SEMA5A: variants seen among roughly 807,000 people sequenced by gnomAD.
The protein encoded by SEMA5A is semaphorin-5A.
A neutral mutation model predicts 135.5 loss-of-function variants in SEMA5A; 55 were observed. The ratio of observed to expected loss-of-function variants is 0.41; its 90% CI spans 0.33 to 0.51. The LOEUF is 0.51. Ranked by LOEUF, SEMA5A falls within the 20% of genes least tolerant of loss-of-function variation. The pLI is 0.37. For synonymous variants in SEMA5A, 580 were observed against 546.5 expected (o/e 1.06, Z -0.85); for missense variants, 1,290 against 1,419.9 (o/e 0.91, Z 1.47).
At chr5:9,473,550 C>T (rs1418270026) in intron 1 of SEMA5A, among the ~76,000 whole-genome samples, 2 of 151,380 alleles carry the variant, frequency 1.3e-5, no homozygotes, top group African/African-American at 4.9e-5. Context: ...AAATTCAGGC[C>T]AAACCTAGGG....
intron 1 of SEMA5A, among the ~76,000 whole-genome samples, chr5:9,529,331 C>T (rs1277786940): frequency 6.6e-6 from 1 of 152,226 alleles, no homozygotes. Flanking sequence ...TTCTCGGCAC[C>T]TTTCCTAGAG....
chr5:9,217,063 G>A (rs1269366942), intron 8 of SEMA5A, among the ~76,000 whole-genome samples: 1 of 152,120 alleles, frequency 6.6e-6, no homozygotes, highest in Non-Finnish European at 1.5e-5. Flanking sequence ...TTGTGTGGTT[G>A]CTTTATGGTG....
chr5:9,364,406 T>C (rs928975535), intron 3 of SEMA5A, among the ~76,000 whole-genome samples: 3 of 152,200 alleles, frequency 2.0e-5, no homozygotes, highest in South Asian at 2.1e-4. Flanking sequence ...CAGGTCTAGA[T>C]GAAATTCTTT....
chr5:9,063,192 CT>C, intron 17 of SEMA5A, 87 bp from the exon 18 acceptor site: 17 of 1,308,282 alleles, frequency 1.3e-5, no homozygotes, highest in Admixed American at 2.0e-5. Flanking sequence ...TATCTGCTGT[CT>C]GCCTTATTTC....
chr5:9,053,991 C>T, intron 19 of SEMA5A, 96 bp downstream of exon 19: 3 of 1,411,582 alleles, frequency 2.1e-6, no homozygotes, highest in East Asian at 4.7e-5. Context: ...CCTTTCAGTA[C>T]TTACCATGAT....
At chr5:9,290,148 T>C (rs867529253) in intron 5 of SEMA5A, among the ~76,000 whole-genome samples, 14 of 152,176 alleles carry the variant, frequency 9.2e-5, no homozygotes, top group African/African-American at 3.1e-4. Context: ...TGGGGGCACC[T>C]ATCACCCAAG....
At chr5:9,264,391 A>G (rs1055876257) in intron 5 of SEMA5A, among the ~76,000 whole-genome samples, 3 of 152,208 alleles carry the variant, frequency 2.0e-5, no homozygotes, top group Admixed American at 6.5e-5. Flanking sequence ...GGAAGTGAAA[A>G]AAACATTAAA....
chr5:9,098,988 T>C (rs73741655), intron 16 of SEMA5A, among the ~76,000 whole-genome samples: 1 of 152,120 alleles, frequency 6.6e-6, no homozygotes, highest in South Asian at 2.1e-4. Context: ...TTAAAAACTA[T>C]AGAAATGTAC....
chr5:9,447,369 T>C (rs1297035449), intron 1 of SEMA5A, among the ~76,000 whole-genome samples: 1 of 152,344 alleles, frequency 6.6e-6, no homozygotes, highest in East Asian at 1.9e-4. Context: ...TGTTCTATTC[T>C]GGCTTAAACC....
Position 9,513,068 on chromosome 5 carries a change from A to AATATAT in SEMA5A, c.-175+32510_-175+32515dup, listed in dbSNP as rs56269546. 3.0e-3 allele frequency among the ~76,000 whole-genome samples: 432 copies of AATATAT among 143,704 alleles called. 2 individuals are homozygous for AATATAT. The South Asian group carries it at 0.036, about 12-fold the overall frequency. 94.3% of individuals were successfully genotyped at this position (143,704 alleles called of 152,430 possible). Reference sequence around the variant, plus strand: ...AAATGAGATGCAAATATATATATATAATATATATATATATATATGCAAGCT... The same window carrying AATATAT: ...AAATGAGATGCAAATATATATATATAATATATATATATATATATATATATGCAAGCT... On this transcript the variant is annotated intron_variant, in intron 1 of 22. Coordinates refer to ENST00000382496, the MANE Select transcript of SEMA5A (RefSeq NM_003966.3).
At chr5:9,341,899 G>A (rs1453613655) in intron 3 of SEMA5A, among the ~76,000 whole-genome samples, 10 of 151,378 alleles carry the variant, frequency 6.6e-5, no homozygotes, top group South Asian at 2.1e-4. Context: ...ACATAAGCTC[G>A]CATGTGATTG....
intron 5 of SEMA5A, among the ~76,000 whole-genome samples, chr5:9,273,097 A>C (rs941201515): frequency 3.3e-5 from 5 of 152,152 alleles, no homozygotes; most frequent in African/African-American, 1.2e-4. Context: ...AATGCAAGGA[A>C]GCTAAGAACC....
intron 8 of SEMA5A, among the ~76,000 whole-genome samples, chr5:9,218,087 A>T (rs1313251577): frequency 6.6e-6 from 1 of 152,104 alleles, no homozygotes; most frequent in Non-Finnish European, 1.5e-5. Flanking sequence ...AGAAAATATA[A>T]CTATTGGGTA....
intron 2 of SEMA5A, among the ~76,000 whole-genome samples, chr5:9,435,508 T>A (rs1579535611): frequency 1.3e-5 from 2 of 152,178 alleles, no homozygotes; most frequent in African/African-American, 4.8e-5. Context: ...AGGTTTGCAG[T>A]TACAATAGAC....
chr5:9,226,794 T>G (rs1305893927), intron 7 of SEMA5A, 75 bp downstream of exon 7: 2 of 1,180,604 alleles, frequency 1.7e-6, no homozygotes, highest in African/African-American at 3.1e-5. Context: ...GAAATTCATT[T>G]AAAACTAGTA....
chr5:9,133,154 T>C (rs949924821), intron 13 of SEMA5A, among the ~76,000 whole-genome samples: 6 of 152,230 alleles, frequency 3.9e-5, no homozygotes, highest in Non-Finnish European at 7.3e-5. Context: ...AAGCCCTTGT[T>C]CCATTTCAGT....
At chr5:9,190,657 A>T (rs1176180847) in intron 10 of SEMA5A, among the ~76,000 whole-genome samples, 186 bp from the exon 11 acceptor site, 1 of 152,152 alleles carries the variant, frequency 6.6e-6, no homozygotes, top group Non-Finnish European at 1.5e-5. Flanking sequence ...TTCATGTTAG[A>T]TTTGAACTCA....
intron 5 of SEMA5A, among the ~76,000 whole-genome samples, chr5:9,299,090 T>C (rs1751478270): frequency 6.7e-6 from 1 of 148,218 alleles, no homozygotes; most frequent in South Asian, 2.2e-4. Flanking sequence ...CAGTATTAAT[T>C]AAACATTGAT....
Position 9,043,017 on chromosome 5 carries a change from C to G in SEMA5A, c.3106-1G>C. 6.5e-7 allele frequency: 1 copy of G among 1,547,716 alleles called. No homozygotes were observed. Among genetic ancestry groups the G allele is most frequent in the Non-Finnish European group, 8.6e-7 (1 of 1,156,252 alleles). On this transcript the variant is annotated splice_acceptor_variant, in intron 22 of 22. Transcript: ENST00000382496. LOFTEE classifies it high-confidence loss of function. ...GGATCAAGTTGTTTTTGTTAAATGC[C>G]TGGAAAATATATTAAAAAAAAACAG...
Sources: gnomAD v4.1 joint callset for allele counts (sites outside exome capture counted in the v4.1 genomes callset) on GRCh38, gnomAD v4.1.1 for gene constraint, MANE v1.5 for transcripts, NCBI Gene and HGNC (gene_info 2026-07-23, HGNC 2026-07-21) for gene names.